Variants in CHCT1 observed in about 807,000 individuals in gnomAD.
The protein encoded by CHCT1 is CHD1 helical C-terminal domain containing protein 1.
chr17:60,426,137 T>C, the CHCT1 span: 1 of 1,549,634 alleles, frequency 6.5e-7, no homozygotes, highest in East Asian at 2.4e-5. Flanking sequence ...CCATGGCCCC[T>C]CACCTCACCT....
chr17:60,422,455 C>A, the CHCT1 span: 1 of 1,514,510 alleles, frequency 6.6e-7, no homozygotes, highest in African/African-American at 1.4e-5. Flanking sequence ...TCTGTGTTGG[C>A]GGTTGCCGTG....
chr17:60,428,984 C>T, the CHCT1 span, among the ~76,000 whole-genome samples: 1 of 151,500 alleles, frequency 6.6e-6, no homozygotes, highest in South Asian at 2.1e-4. Flanking sequence ...CTCACTGCAA[C>T]CTCCGCCTTC....
chr17:60,429,312 C>T, the CHCT1 span: 1 of 1,564,206 alleles, frequency 6.4e-7, no homozygotes, highest in Non-Finnish European at 8.7e-7. Context: ...CTCTAAAGTT[C>T]AGGTCCCCCT....
the CHCT1 span, among the ~76,000 whole-genome samples, chr17:60,427,560 G>A: frequency 6.6e-6 from 1 of 152,106 alleles, no homozygotes; most frequent in East Asian, 1.9e-4. Flanking sequence ...TGGGATTACA[G>A]GTGCACACCA....
At chr17:60,429,442 A>G in the CHCT1 span, 3 of 1,614,238 alleles carry the variant, frequency 1.9e-6, no homozygotes, top group Non-Finnish European at 2.5e-6. Context: ...TCTGCCATGC[A>G]TGGGGGCTGC....
chr17:60,431,310 A>C, the CHCT1 span: 1 of 1,423,344 alleles, frequency 7.0e-7, no homozygotes, highest in Non-Finnish European at 9.7e-7. Flanking sequence ...TGGCTCTCAG[A>C]GCACGGGGAA....
chr17:60,424,420 T>C, the CHCT1 span, among the ~76,000 whole-genome samples: 1 of 152,226 alleles, frequency 6.6e-6, no homozygotes, highest in East Asian at 1.9e-4. Flanking sequence ...TTCTCATCTG[T>C]AACTAGGGTT....
At chr17:60,426,951 C>A in the CHCT1 span, 1 of 1,476,434 alleles carries the variant, frequency 6.8e-7, no homozygotes, top group Non-Finnish European at 9.0e-7. Context: ...GGGCAAGACT[C>A]TGCTGCTTGA....
At chr17:60,421,761 T>A in the CHCT1 span, 1 of 877,974 alleles carries the variant, frequency 1.1e-6, no homozygotes, top group African/African-American at 1.8e-5. Context: ...GTTTCCGCCC[T>A]CGGCCTCGGG....
chr17:60,426,211 G>A, the CHCT1 span: 1 of 1,551,716 alleles, frequency 6.4e-7, no homozygotes, highest in African/African-American at 1.4e-5. Context: ...AGTTGCACCT[G>A]CCCAGGGACC....
chr17:60,422,670 G>A, the CHCT1 span: 1 of 1,533,744 alleles, frequency 6.5e-7, no homozygotes, highest in African/African-American at 1.4e-5. Context: ...GGGAGGGAGG[G>A]AAGGAGGGTC....
At chr17:60,424,748 C>G in the CHCT1 span, among the ~76,000 whole-genome samples, 1 of 152,062 alleles carries the variant, frequency 6.6e-6, no homozygotes, top group African/African-American at 2.4e-5. Flanking sequence ...TGGTGCACGC[C>G]TGTAATCCCA....
the CHCT1 span, among the ~76,000 whole-genome samples, chr17:60,428,988 C>T: frequency 5.3e-5 from 8 of 151,588 alleles, no homozygotes; most frequent in Non-Finnish European, 1.0e-4. Flanking sequence ...CTGCAACCTC[C>T]GCCTTCAGGG....
At chr17:60,425,909 C>T in the CHCT1 span, 2 of 1,526,692 alleles carry the variant, frequency 1.3e-6, no homozygotes. Flanking sequence ...AGCCTGGAAC[C>T]CTGTCCCCTT....
the CHCT1 span, chr17:60,425,708 G>A: frequency 8.8e-7 from 1 of 1,134,490 alleles, no homozygotes; most frequent in Non-Finnish European, 1.3e-6. Flanking sequence ...CTGCCATTTG[G>A]GTCAGTCCCT....
At chr17:60,430,006 G>A in the CHCT1 span, among the ~76,000 whole-genome samples, 1,194 of 150,684 alleles carry the variant, frequency 7.9e-3, 14 homozygotes, top group Non-Finnish European at 9.1e-3. Context: ...TGTACTTTTA[G>A]TAAAGACAGG....
chr17:60,421,579 G>A, the CHCT1 span: 1 of 985,244 alleles, frequency 1.0e-6, no homozygotes, highest in South Asian at 4.7e-5. Flanking sequence ...AAGGTGGCTC[G>A]AGTGAGGAAA....
At chr17:60,422,141 A>G in the CHCT1 span, 3 of 305,686 alleles carry the variant, frequency 9.8e-6, no homozygotes, top group South Asian at 1.2e-4. Context: ...CCAAATCAGA[A>G]AAGAATTTTA....
At chr17:60,431,099 A>G in the CHCT1 span, 6 of 981,126 alleles carry the variant, frequency 6.1e-6, no homozygotes, top group South Asian at 1.5e-5. Flanking sequence ...CTCTGCCCCT[A>G]CAACACCCCC....
Sources: gnomAD v4.1 joint callset for allele counts (sites outside exome capture counted in the v4.1 genomes callset) on GRCh38, gnomAD v4.1.1 for gene constraint, MANE v1.5 for transcripts, NCBI Gene and HGNC (gene_info 2026-07-23, HGNC 2026-07-21) for gene names.